The following HCRTR2 variants were observed in gnomAD, a reference collection of about 807,000 sequenced individuals.
The protein encoded by HCRTR2 is orexin receptor type 2.
Under a neutral mutation model 49.0 loss-of-function variants are expected in HCRTR2, and 22 were observed. That is an observed-to-expected ratio of 0.45 (90% CI 0.32 to 0.64). HCRTR2 has a LOEUF of 0.64. Ranked by LOEUF, HCRTR2 falls within the 30% of genes least tolerant of loss-of-function variation. The probability of loss-of-function intolerance (pLI) is 0.04; values close to 1 mark genes in which losing one functional copy is unlikely to be tolerated. For synonymous variants in HCRTR2, 236 were observed against 205.3 expected (o/e 1.15, Z -1.28); for missense variants, 491 against 559.4 (o/e 0.88, Z 1.23).
upstream of HCRTR2, among the ~76,000 whole-genome samples, chr6:55,170,852 G>C (rs36167301): frequency 6.6e-6 from 1 of 150,740 alleles, no homozygotes. Flanking sequence ...TTGTCCTTGC[G>C]ATAGTTTGCT....
intron 2 of HCRTR2, among the ~76,000 whole-genome samples, chr6:55,249,135 G>C (rs568763614): frequency 4.6e-5 from 7 of 151,854 alleles, no homozygotes; most frequent in Admixed American, 6.6e-5. Flanking sequence ...TTGATTTTGC[G>C]CAAACTTTTT....
In HCRTR2 at chr6:55,174,593, C is replaced by T. The variant is rs777708841; in HGVS notation, c.6C>T (p.Ser2=). 57 of 1,613,542 alleles carry T rather than the reference C, an allele frequency of 3.5e-5. No homozygotes were observed. The highest frequency in any genetic ancestry group is 4.4e-5 in the Non-Finnish European group (52 of 1,179,728). Residue 2 remains serine (S), a synonymous_variant, in exon 1 of 7, where the codon TCC becomes TCT. Transcript: ENST00000370862. Reference sequence around the variant, plus strand: ...GAACCGGACTTGAGCCCGTGATGTCCGGCACCAAATTGGAGGACTCCCCCC... The same window carrying T: ...GAACCGGACTTGAGCCCGTGATGTCTGGCACCAAATTGGAGGACTCCCCCC... The part of the protein sequence containing the change: M[S]GTKLEDSPPC...
intron 1 of HCRTR2, among the ~76,000 whole-genome samples, chr6:55,132,768 G>C (rs1454165429): frequency 7.2e-5 from 9 of 125,496 alleles, no homozygotes; most frequent in South Asian, 2.5e-4. Context: ...TTTTTTTTTC[G>C]CTGAAAATTA....
chr6:55,123,779 T>C (rs1056894711), intron 1 of HCRTR2, among the ~76,000 whole-genome samples: 1 of 152,182 alleles, frequency 6.6e-6, no homozygotes, highest in African/African-American at 2.4e-5. Context: ...GTTGACAGGA[T>C]ATTAATTACT....
chr6:55,126,718 C>T (rs893145384), intron 1 of HCRTR2, among the ~76,000 whole-genome samples: 2 of 146,236 alleles, frequency 1.4e-5, no homozygotes, highest in African/African-American at 4.9e-5. Context: ...AGGGAGATGG[C>T]GTTTTATCTA....
intron 1 of HCRTR2, among the ~76,000 whole-genome samples, chr6:55,209,328 G>A (rs1389513483): frequency 6.6e-6 from 1 of 152,110 alleles, no homozygotes; most frequent in Non-Finnish European, 1.5e-5. Flanking sequence ...ACTTCACTAA[G>A]AAAATAAAAT....
upstream of HCRTR2, among the ~76,000 whole-genome samples, chr6:55,170,796 T>C (rs972265345): frequency 3.7e-5 from 5 of 136,720 alleles, no homozygotes; most frequent in East Asian, 9.0e-4. Context: ...GGTGTTCTCA[T>C]TGTTTAATTC....
At chr6:55,216,485 C>T (rs1765789555) in intron 1 of HCRTR2, among the ~76,000 whole-genome samples, 1 of 152,072 alleles carries the variant, frequency 6.6e-6, no homozygotes, top group Admixed American at 6.6e-5. Context: ...AGTGCTGGTA[C>T]AGGAATAAGA....
Position 55,282,432 on chromosome 6 carries a change from C to A in HCRTR2, c.1313C>A (p.Ala438Glu). Residue 438 changes from alanine (A) to glutamate (E), a missense_variant, in exon 7 of 7, where the codon GCA (alanine) becomes GAA (glutamate). By Grantham distance (107) the Ala-to-Glu change is moderately radical (BLOSUM62 -1). Coordinates refer to ENST00000370862, the MANE Select transcript of HCRTR2 (RefSeq NM_001384272.1). ...SISTLPAANGAGPLQNW is the reference protein window; with the variant it reads ...SISTLPAANGEGPLQNW ...AGCACACTCCCAGCAGCCAATGGAG[C>A]AGGACCACTTCAAAACTGGTAGAAT... 6.3e-7 allele frequency: 1 copy of A among 1,594,224 alleles called. No individual in the cohort carries two copies. The highest frequency in any genetic ancestry group is 2.2e-5 in the East Asian group (1 of 44,664).
At chr6:55,251,332 A>G (rs1343364375) in intron 2 of HCRTR2, among the ~76,000 whole-genome samples, 2 of 152,164 alleles carry the variant, frequency 1.3e-5, no homozygotes, top group Non-Finnish European at 2.9e-5. Context: ...TGGCAAATGC[A>G]CAAAAATCTC....
chr6:55,194,533 AAT>A (rs1374996443), intron 1 of HCRTR2, among the ~76,000 whole-genome samples: 6 of 152,150 alleles, frequency 3.9e-5, no homozygotes, highest in Non-Finnish European at 7.4e-5. Context: ...CAAATAATAA[AAT>A]ATGTCTGAGA....
At chr6:55,240,777 C>A in intron 1 of HCRTR2, 1 of 427,544 alleles carries the variant, frequency 2.3e-6, no homozygotes, top group Non-Finnish European at 4.7e-6. Flanking sequence ...TTTTGGATGA[C>A]TGCATTCCAT....
chr6:55,278,748 T>C, intron 5 of HCRTR2, among the ~76,000 whole-genome samples: 1 of 146,484 alleles, frequency 6.8e-6, no homozygotes, highest in East Asian at 2.2e-4. Flanking sequence ...TTATTATTAT[T>C]ATTATTATTT....
intron 1 of HCRTR2, among the ~76,000 whole-genome samples, chr6:55,180,570 C>G (rs1301674456): frequency 2.2e-5 from 3 of 138,204 alleles, no homozygotes; most frequent in African/African-American, 4.9e-5. Context: ...TTTACCTGTT[C>G]AGGGGGTTGA....
intron 4 of HCRTR2, among the ~76,000 whole-genome samples, chr6:55,269,015 G>A (rs904933710): frequency 2.6e-5 from 4 of 151,078 alleles, no homozygotes; most frequent in Admixed American, 6.6e-5. Flanking sequence ...GCGTGAACCC[G>A]GGGGGTGGAG....
intron 1 of HCRTR2, among the ~76,000 whole-genome samples, chr6:55,246,432 A>T (rs926654371): frequency 2.0e-5 from 3 of 152,028 alleles, no homozygotes; most frequent in Non-Finnish European, 2.9e-5. Flanking sequence ...AGCAGGTTTT[A>T]AATTACCTGG....
intron 1 of HCRTR2, among the ~76,000 whole-genome samples, chr6:55,118,226 TG>T (rs1291204425): frequency 2.0e-5 from 3 of 151,954 alleles, no homozygotes; most frequent in Non-Finnish European, 4.4e-5. Context: ...ATAAAGGATA[TG>T]ATCTTGGGTT....
At chr6:55,203,012 C>A (rs918210373) in intron 1 of HCRTR2, among the ~76,000 whole-genome samples, 1 of 152,110 alleles carries the variant, frequency 6.6e-6, no homozygotes, top group Non-Finnish European at 1.5e-5. Flanking sequence ...AATGTAAAAA[C>A]ACTGCTTTAA....
At chr6:55,218,214 C>A (rs185474382) in intron 1 of HCRTR2, among the ~76,000 whole-genome samples, 6 of 152,270 alleles carry the variant, frequency 3.9e-5, no homozygotes, top group African/African-American at 1.4e-4. Flanking sequence ...CCCTTAAAGG[C>A]CCCACTTCTT....
Sources: gnomAD v4.1 joint callset for allele counts (sites outside exome capture counted in the v4.1 genomes callset) on GRCh38, gnomAD v4.1.1 for gene constraint, MANE v1.5 for transcripts, NCBI Gene and HGNC (gene_info 2026-07-23, HGNC 2026-07-21) for gene names.